Variants in ZNF212 observed in about 807,000 individuals in gnomAD.
The protein encoded by ZNF212 is zinc finger protein 212.
Under a neutral mutation model 47.3 loss-of-function variants are expected in ZNF212, and 32 were observed. The ratio of observed to expected loss-of-function variants is 0.68; its 90% CI spans 0.51 to 0.91. The LOEUF is 0.91. ZNF212 is among the 40% of genes least tolerant of loss of function. The pLI, the probability that ZNF212 is intolerant of heterozygous loss-of-function variation, is 0.00. For synonymous variants in ZNF212, 242 were observed against 253.8 expected (o/e 0.95, Z 0.44); for missense variants, 555 against 622.8 (o/e 0.89, Z 1.16).
Position 149,245,468 on chromosome 7 carries a change from G to C in ZNF212, c.25-4691G>C, listed in dbSNP as rs116333956. On this transcript the variant is annotated intron_variant, in intron 1 of 4. Coordinates refer to ENST00000335870, the MANE Select transcript of ZNF212 (RefSeq NM_012256.4). The stretch of plus-strand genomic sequence containing the variant: ...TGACTCATGCCTGTAATACCAGGAC[G>C]TATAATCGTGCCACTGCCCTCCAGC... Among the ~76,000 whole-genome samples the C allele has an allele frequency of 5.4e-3, 822 of 151,902 alleles. 8 individuals are homozygous for C. The highest frequency in any genetic ancestry group is 0.019 in the African/African-American group (803 of 41,420).
intron 4 of ZNF212, 97 bp downstream of exon 4, chr7:149,252,892 C>A: frequency 1.7e-6 from 2 of 1,210,756 alleles, no homozygotes; most frequent in South Asian, 1.3e-5. Context: ...GACTTGGTGA[C>A]CTCATCTGGC....
intron 4 of ZNF212, among the ~76,000 whole-genome samples, chr7:149,253,163 A>G (rs948801917): frequency 1.3e-5 from 2 of 152,044 alleles, no homozygotes; most frequent in African/African-American, 4.8e-5. Flanking sequence ...GAGGAAGAAC[A>G]GAGCTGGACA....
chr7:149,246,492 C>T (rs1479057227), intron 1 of ZNF212, among the ~76,000 whole-genome samples: 2 of 151,986 alleles, frequency 1.3e-5, no homozygotes, highest in African/African-American at 4.8e-5. Context: ...ACACCATTCT[C>T]TCGCCTCAAC....
Position 149,239,774 on chromosome 7 carries a change from G to C in ZNF212, c.-5G>C, listed in dbSNP as rs746240424. On this transcript the variant is annotated 5_prime_UTR_variant, in exon 1 of 5. Coordinates refer to ENST00000335870, the MANE Select transcript of ZNF212 (RefSeq NM_012256.4). ...GGGTCTGGGTGTTGAGGGGCGACTG[G>C]AGCCATGGCGGAGTCGGCGCCTGCT... 2.0e-5 allele frequency: 26 copies of C among 1,276,750 alleles called. No individual in the cohort carries two copies. The highest frequency in any genetic ancestry group is 2.5e-5 in the Non-Finnish European group (25 of 1,004,030). 79.1% of individuals were successfully genotyped at this position (1,276,750 alleles called of 1,614,324 possible).
intron 1 of ZNF212, among the ~76,000 whole-genome samples, chr7:149,247,010 C>G (rs1796688455): frequency 6.7e-6 from 1 of 149,724 alleles, no homozygotes; most frequent in Non-Finnish European, 1.5e-5. Flanking sequence ...TGGGGTTTCT[C>G]CATGTTGGTC....
In ZNF212 at chr7:149,254,578, G is replaced by C. The variant is rs781721573; in HGVS notation, c.*163G>C. ...GCCCAAAGGCTGTCCTGAAAACCCT[G>C]TGGAAGAAGAGTCCAGGCCAGGTCT... On this transcript the variant is annotated 3_prime_UTR_variant, in exon 5 of 5. Transcript: ENST00000335870. The surrounding 1 kb of genome is among the most constrained non-coding windows in gnomAD (Gnocchi z 4.5). 4 of 1,138,350 alleles carry C rather than the reference G, an allele frequency of 3.5e-6. No homozygotes were observed. Among genetic ancestry groups the C allele is most frequent in the Non-Finnish European group, 4.8e-6 (4 of 834,538 alleles). The allele number at this position is 1,138,350 out of a possible 1,614,324, so 70.5% of individuals were successfully genotyped here. A position where few individuals can be genotyped will look rare whatever the true frequency, so the allele number is the denominator to read the frequency against.
At position 149,244,977 on chromosome 7, in the gene ZNF212, G is replaced by T. The variant is rs1009219526; in HGVS notation, c.24+5175G>T. On this transcript the variant is annotated intron_variant, in intron 1 of 4. Transcript: ENST00000335870. The stretch of plus-strand genomic sequence containing the variant: ...GATGTCTTAAGCCACTAAATTTGGG[G>T]ATTATTTGTCATACAGGAGTTGATG... Among the ~76,000 whole-genome samples the T allele has an allele frequency of 2.6e-5, 4 of 152,156 alleles. 1 individual carries two copies. The highest frequency in any genetic ancestry group is 9.7e-5 in the African/African-American group (4 of 41,426).
chr7:149,255,560 G>A lies in ZNF212; in HGVS notation c.*1145G>A, dbSNP rs983910008. 2 of 153,522 alleles carry A rather than the reference G, an allele frequency of 1.3e-5. No homozygotes were observed. The highest frequency in any genetic ancestry group is 2.9e-5 in the Non-Finnish European group (2 of 68,014). 9.5% of individuals were successfully genotyped at this position (153,522 alleles called of 1,614,324 possible). ...ATGTGAACATCCCCTTGGATGATTT[G>A]CGGTTGCTTAGAATAAAACTTGCTA... On this transcript the variant is annotated 3_prime_UTR_variant, in exon 5 of 5. Coordinates refer to ENST00000335870, the MANE Select transcript of ZNF212 (RefSeq NM_012256.4).
intron 1 of ZNF212, among the ~76,000 whole-genome samples, chr7:149,247,973 A>G (rs1796700692): frequency 6.6e-6 from 1 of 152,208 alleles, no homozygotes; most frequent in South Asian, 2.1e-4. Context: ...ATGGAAGGGC[A>G]GCAGGTGTGT....
At chr7:149,251,068 T>TTCC in intron 3 of ZNF212, 1 of 328,778 alleles carries the variant, frequency 3.0e-6, no homozygotes, top group Non-Finnish European at 5.5e-6. Flanking sequence ...TTTTTTTTTT[T>TTCC]CCTGTGGTCA....
At position 149,250,419 on chromosome 7, in the gene ZNF212, C is replaced by T. The variant is rs140725635; in HGVS notation, c.285C>T (p.Ala95=). The T allele has an allele frequency of 2.2e-3, 3,479 of 1,614,122 alleles. 6 individuals carry two copies. Among genetic ancestry groups the T allele is most frequent in the Non-Finnish European group, 2.6e-3 (3,124 of 1,180,018 alleles). The change falls in exon 2 of 5, where the codon GCC becomes GCT. Residue 95 remains alanine, a synonymous_variant. Transcript: ENST00000335870. ...EFGNQLEGKW[A]VLGTLLQEYG... ...GGAACCAGCTGGAGGGCAAGTGGGC[C>T]GTGCTGGGGACCCTGCTGCAGGAGT...
At chr7:149,249,281 A>G (rs1176717608) in intron 1 of ZNF212, among the ~76,000 whole-genome samples, 2 of 152,236 alleles carry the variant, frequency 1.3e-5, no homozygotes, top group African/African-American at 4.8e-5. Flanking sequence ...CCCAGCTGCT[A>G]GAGTGCAAAG....
intron 1 of ZNF212, among the ~76,000 whole-genome samples, chr7:149,242,882 G>A (rs923429626): frequency 1.5e-4 from 23 of 152,120 alleles, no homozygotes; most frequent in African/African-American, 4.3e-4. Flanking sequence ...GAAATTGGTC[G>A]TATAACTTAC....
Position 149,254,262 on chromosome 7 carries a change from C to T in ZNF212, c.1335C>T (p.His445=), listed in dbSNP as rs201656901. The change falls in exon 5 of 5, where the codon CAC becomes CAT. Residue 445 remains histidine (H), a synonymous_variant. Coordinates refer to ENST00000335870, the MANE Select transcript of ZNF212 (RefSeq NM_012256.4). The surrounding 1 kb of genome is among the most constrained non-coding windows in gnomAD (Gnocchi z 4.5). Reference sequence around the variant, plus strand: ...GTCACCCATCTGACTTGGTGCGGCACCAGCGCATCCACACGGGTGAGCGGC... The same window carrying T: ...GTCACCCATCTGACTTGGTGCGGCATCAGCGCATCCACACGGGTGAGCGGC... ...SFSHPSDLVR[H]QRIHTGERPY... is the part of the protein sequence containing the mutation. The T allele has an allele frequency of 6.2e-6, 10 of 1,614,252 alleles. No homozygotes were observed. Among genetic ancestry groups the T allele is most frequent in the Non-Finnish European group, 8.5e-6 (10 of 1,180,054 alleles).
intron 4 of ZNF212, 68 bp downstream of exon 4, chr7:149,252,863 G>A (rs534271527): frequency 2.1e-5 from 31 of 1,509,562 alleles, no homozygotes; most frequent in Middle Eastern, 1.8e-4. Flanking sequence ...GCTTTCCCAC[G>A]GCTGAAGTGC....
At position 149,253,593 on chromosome 7, in the gene ZNF212, T is replaced by A; in HGVS notation, c.666T>A (p.Tyr222Ter). 6.2e-7 allele frequency: 1 copy of A among 1,613,206 alleles called. No homozygotes were observed. Among genetic ancestry groups the A allele is most frequent in the Non-Finnish European group, 8.5e-7 (1 of 1,179,272 alleles). The change falls in exon 5 of 5, where the codon TAT (tyrosine) becomes TAA (stop). Residue 222 changes from tyrosine to a stop codon, truncating the protein, a stop_gained. Coordinates refer to ENST00000335870, the MANE Select transcript of ZNF212 (RefSeq NM_012256.4). LOFTEE classifies it high-confidence loss of function. ...TCATGATCAAACAGGAGCTACAGTA[T>A]ACACAGGAAGGCCCTGCGGATCTTC... The part of the protein sequence containing the change: ...GGVMIKQELQ[Y>*]TQEGPADLPG...
chr7:149,253,766 GCA>G lies in ZNF212; in HGVS notation c.840_841del (p.Ser280ArgfsTer14). Reference sequence around the variant, plus strand: ...GAGCCTGTTGGTAGTAGAGTTCCTAGCAGCAGCAGAACTGTGGGCTGCCCGAA... The same window carrying G: ...GAGCCTGTTGGTAGTAGAGTTCCTAGGCAGCAGAACTGTGGGCTGCCCGAA... On this transcript the variant is annotated frameshift_variant, in exon 5 of 5. Transcript: ENST00000335870. LOFTEE classifies it high-confidence loss of function. 6.2e-7 allele frequency: 1 copy of G among 1,614,096 alleles called. No individual in the cohort carries two copies. Among genetic ancestry groups the G allele is most frequent in the Non-Finnish European group, 8.5e-7 (1 of 1,179,960 alleles).
intron 4 of ZNF212, 68 bp from the exon 5 acceptor site, chr7:149,253,490 TG>T: frequency 6.6e-7 from 1 of 1,512,604 alleles, no homozygotes; most frequent in Non-Finnish European, 8.8e-7. Context: ...CACAGATGTT[TG>T]TTTGGTCCTG....
intron 1 of ZNF212, among the ~76,000 whole-genome samples, chr7:149,243,684 A>G (rs1286750912): frequency 1.1e-4 from 17 of 152,306 alleles, no homozygotes; most frequent in Non-Finnish European, 2.1e-4. Context: ...TACATAGCCT[A>G]AAAATATATA....
Sources: allele counts gnomAD v4.1 joint callset (sites outside exome capture counted in the v4.1 genomes callset), GRCh38; gene constraint gnomAD v4.1.1; non-coding constraint Gnocchi (gnomAD v3.1); transcripts MANE v1.5; gene names NCBI Gene and HGNC (gene_info 2026-07-23, HGNC 2026-07-21).